The following ARHGEF3 variants were observed in gnomAD, a reference collection of about 807,000 sequenced individuals.
ARHGEF3 encodes Rho guanine nucleotide exchange factor 3.
A neutral mutation model predicts 63.2 loss-of-function variants in ARHGEF3; 28 were observed. The ratio of observed to expected loss-of-function variants is 0.44; its 90% CI spans 0.33 to 0.61. The LOEUF is 0.61. Ranked by LOEUF, ARHGEF3 falls within the 20% of genes least tolerant of loss-of-function variation. ARHGEF3 has a pLI of 0.03. For missense variants in ARHGEF3, 533 were observed against 659.3 expected, an observed-to-expected ratio of 0.81 and a Z score of 2.10; for synonymous variants, 266 against 254.2, an observed-to-expected ratio of 1.05 and a Z score of -0.44.
At chr3:56,974,300 G>T (rs1202530433) in intron 2 of ARHGEF3, among the ~76,000 whole-genome samples, 1 of 152,076 alleles carries the variant, frequency 6.6e-6, no homozygotes, top group Admixed American at 6.5e-5. Flanking sequence ...TAATATACTA[G>T]TTATATAAAT....
intron 2 of ARHGEF3, among the ~76,000 whole-genome samples, chr3:56,970,557 A>G (rs759666121): frequency 1.3e-5 from 2 of 152,150 alleles, no homozygotes; most frequent in African/African-American, 2.4e-5. Context: ...GGCTTTCTGC[A>G]TGTCCTCCCA....
chr3:57,065,187 G>A (rs1560173182), intron 1 of ARHGEF3, among the ~76,000 whole-genome samples: 1 of 152,142 alleles, frequency 6.6e-6, no homozygotes, highest in African/African-American at 2.4e-5. Context: ...GGGCGCAGTG[G>A]CTCACGCCTC....
chr3:56,770,238 C>T (rs573774561), intron 2 of ARHGEF3, among the ~76,000 whole-genome samples: 3 of 151,960 alleles, frequency 2.0e-5, no homozygotes, highest in East Asian at 1.9e-4. Flanking sequence ...ATGGCGAAAC[C>T]GTCTCTACTA....
rs57400467 is a variant in ARHGEF3 at position 56,795,655 on chromosome 3, C to CTCTTTTTTTTTTTT, written c.96+6047_96+6048insAAAAAAAAAAAAGA. On this transcript the variant is annotated intron_variant, in intron 1 of 9. Transcript: ENST00000296315. The stretch of plus-strand genomic sequence containing the variant: ...TTAACTTGTGACACAGTCTCTCTCT[C>CTCTTTTTTTTTTTT]TTTTTTTTTTTTGAAGATGGACTCT... Among the ~76,000 whole-genome samples, 672 of 130,520 alleles carry CTCTTTTTTTTTTTT rather than the reference C, an allele frequency of 5.1e-3. 31 individuals are homozygous for CTCTTTTTTTTTTTT. The highest frequency in any genetic ancestry group is 0.018 in the African/African-American group (609 of 34,200). The allele number at this position is 130,520 out of a possible 152,430, so 85.6% of individuals were successfully genotyped here. A position where few individuals can be genotyped will look rare whatever the true frequency, so the allele number is the denominator to read the frequency against.
chr3:56,783,310 T>C (rs534651734), intron 1 of ARHGEF3, among the ~76,000 whole-genome samples: 14 of 152,322 alleles, frequency 9.2e-5, no homozygotes, highest in African/African-American at 3.4e-4. Flanking sequence ...TATAGCTCTC[T>C]AGTGTTTGTA....
chr3:56,946,717 AG>A (rs1269609864), intron 3 of ARHGEF3, among the ~76,000 whole-genome samples: 1 of 152,268 alleles, frequency 6.6e-6, no homozygotes, highest in African/African-American at 2.4e-5. Context: ...GATATTATCC[AG>A]GAGAACTTCC....
rs2107956798 is a variant in ARHGEF3 at position 56,798,836 on chromosome 3, C to T, written c.96+2867G>A. Among the ~76,000 whole-genome samples, 2 of 152,248 alleles carry T rather than the reference C, an allele frequency of 1.3e-5. 1 individual carries two copies. Among genetic ancestry groups the T allele is most frequent in the South Asian group, 4.1e-4 (2 of 4,828 alleles). ...TGAAATTCTAGAGCCATGAACTAAGCTCCTTAGATTTCACAATTAATGATT... is the reference window on the plus strand; with the variant it reads ...TGAAATTCTAGAGCCATGAACTAAGTTCCTTAGATTTCACAATTAATGATT... On this transcript the variant is annotated intron_variant, in intron 1 of 9. Coordinates refer to ENST00000296315, the MANE Select transcript of ARHGEF3 (RefSeq NM_019555.3).
chr3:56,964,721 C>T (rs751649018), intron 2 of ARHGEF3, among the ~76,000 whole-genome samples: 9 of 151,916 alleles, frequency 5.9e-5, no homozygotes, highest in African/African-American at 9.7e-5. Context: ...CGCAGGGTCT[C>T]GACCAAAGTT....
At chr3:56,851,084 G>T (rs1485576615) in intron 4 of ARHGEF3, among the ~76,000 whole-genome samples, 1 of 151,976 alleles carries the variant, frequency 6.6e-6, no homozygotes, top group African/African-American at 2.4e-5. Flanking sequence ...TCCACCTGAG[G>T]GCCCTGGTTG....
At chr3:56,828,029 T>A (rs2038796072) in intron 4 of ARHGEF3, among the ~76,000 whole-genome samples, 1 of 147,722 alleles carries the variant, frequency 6.8e-6, no homozygotes, top group Non-Finnish European at 1.5e-5. Flanking sequence ...ATACGTGAAG[T>A]ACACCAGGAA....
At chr3:57,053,258 C>T (rs923951008) in intron 1 of ARHGEF3, among the ~76,000 whole-genome samples, 2 of 152,122 alleles carry the variant, frequency 1.3e-5, no homozygotes, top group African/African-American at 4.8e-5. Context: ...GGTTAGCGAG[C>T]GCTCACTGCC....
At chr3:56,869,893 C>G (rs542822203) in intron 4 of ARHGEF3, among the ~76,000 whole-genome samples, 1 of 152,064 alleles carries the variant, frequency 6.6e-6, no homozygotes, top group Non-Finnish European at 1.5e-5. Flanking sequence ...TAATGATAAA[C>G]TGAATACATT....
chr3:56,845,258 C>A (rs2039449526), intron 4 of ARHGEF3, among the ~76,000 whole-genome samples: 2 of 152,320 alleles, frequency 1.3e-5, no homozygotes, highest in South Asian at 4.1e-4. Flanking sequence ...AGTAGAAGGC[C>A]TAGCTAAGCA....
intron 9 of ARHGEF3, 100 bp downstream of exon 9, chr3:56,732,138 C>T (rs2033209699): frequency 7.1e-7 from 1 of 1,414,186 alleles, no homozygotes; most frequent in African/African-American, 1.4e-5. Context: ...TGCAGTTTGA[C>T]TTCAAGACCG....
chr3:57,014,052 G>C (rs1256040967), intron 2 of ARHGEF3, among the ~76,000 whole-genome samples: 1 of 152,098 alleles, frequency 6.6e-6, no homozygotes, highest in African/African-American at 2.4e-5. Flanking sequence ...CGAAGGTCTG[G>C]AGCTTCACTC....
chr3:56,940,136 AGGAGTCAAGAATCCTCAT>A (rs1335499223), intron 3 of ARHGEF3: 51 of 152,344 alleles, frequency 3.3e-4, no homozygotes, highest in African/African-American at 1.2e-3. Flanking sequence ...AAGAGCAGAG[AGGAGTCAAGAATCCTCAT>A]GGGCTTCCAG....
intron 4 of ARHGEF3, among the ~76,000 whole-genome samples, chr3:56,830,614 C>T (rs1291360387): frequency 2.6e-5 from 4 of 152,170 alleles, no homozygotes; most frequent in Non-Finnish European, 5.9e-5. Flanking sequence ...GCTTCCACTG[C>T]ACAAATCCCA....
intron 4 of ARHGEF3, among the ~76,000 whole-genome samples, chr3:56,809,153 C>T (rs527927932): frequency 6.6e-6 from 1 of 152,312 alleles, no homozygotes; most frequent in East Asian, 1.9e-4. Flanking sequence ...GATGCCCAAA[C>T]CTGACCGTTG....
At chr3:57,066,134 C>T (rs1038194276) in intron 1 of ARHGEF3, among the ~76,000 whole-genome samples, 4 of 152,132 alleles carry the variant, frequency 2.6e-5, no homozygotes, top group Admixed American at 6.5e-5. Flanking sequence ...CCATCTGGTC[C>T]ACCTGTAATT....
Sources: allele counts gnomAD v4.1 joint callset (sites outside exome capture counted in the v4.1 genomes callset), GRCh38; gene constraint gnomAD v4.1.1; transcripts MANE v1.5; gene names NCBI Gene and HGNC (gene_info 2026-07-23, HGNC 2026-07-21).